Variants in MAP1LC3B2 observed in about 807,000 individuals in gnomAD.
The protein encoded by MAP1LC3B2 is microtubule-associated protein 1 light chain 3 beta 2.
For missense variants in MAP1LC3B2, 155 were observed against 154.6 expected, an observed-to-expected ratio of 1.00 and a Z score of -0.01; for synonymous variants, 62 against 57.8, an observed-to-expected ratio of 1.07 and a Z score of -0.33.
intron 1 of MAP1LC3B2, among the ~76,000 whole-genome samples, chr12:116,568,040 A>G (rs4766795): frequency 0.12 from 17,967 of 152,234 alleles, 2,094 homozygotes; most frequent in Admixed American, 0.28. Context: ...AGAATGATTA[A>G]GTGAGTAAAT....
intron 1 of MAP1LC3B2, among the ~76,000 whole-genome samples, chr12:116,559,645 A>C (rs1023995550): frequency 1.3e-5 from 2 of 152,126 alleles, no homozygotes; most frequent in African/African-American, 4.8e-5. Context: ...GGGTGGGGGC[A>C]TGTTGGGAGG....
chr12:116,568,453 G>GTA (rs1170699665), intron 1 of MAP1LC3B2, among the ~76,000 whole-genome samples: 1 of 152,174 alleles, frequency 6.6e-6, no homozygotes, highest in African/African-American at 2.4e-5. Flanking sequence ...AAAACAACAT[G>GTA]TACTTTATTC....
intron 1 of MAP1LC3B2, among the ~76,000 whole-genome samples, chr12:116,568,335 T>A (rs1463593827): frequency 5.3e-5 from 8 of 152,248 alleles, no homozygotes; most frequent in Non-Finnish European, 1.2e-4. Flanking sequence ...AGCCTAACAA[T>A]CTCTGGAGCT....
Position 116,576,073 on chromosome 12 carries a change from T to G in MAP1LC3B2, c.131T>G (p.Leu44Arg). ...IIERYKGEKQ[L>R]PVLDKTKFLV... ...GAACGATACAAGGGTGAGAAGCAGC[T>G]TCCTGTTCTGGATAAAACAAAGTTC... The change falls in exon 2 of 2, where the codon CTT (leucine) becomes CGT (arginine). Residue 44 changes from leucine (L) to arginine (R), a missense_variant. By Grantham distance (102) the Leu-to-Arg change is moderately radical. Coordinates refer to ENST00000556529, the MANE Select transcript of MAP1LC3B2 (RefSeq NM_001085481.3). 1.2e-6 allele frequency: 2 copies of G among 1,614,226 alleles called. No individual in the cohort carries two copies. The highest frequency in any genetic ancestry group is 2.7e-5 in the African/African-American group (2 of 75,062).
intron 1 of MAP1LC3B2, among the ~76,000 whole-genome samples, chr12:116,572,199 G>C (rs895008897): frequency 1.3e-5 from 2 of 152,192 alleles, no homozygotes; most frequent in Non-Finnish European, 2.9e-5. Flanking sequence ...TCAGCAGATA[G>C]ATTGCCAGAA....
chr12:116,563,147 C>T (rs979360407), intron 1 of MAP1LC3B2, among the ~76,000 whole-genome samples: 2 of 151,894 alleles, frequency 1.3e-5, no homozygotes, highest in African/African-American at 2.4e-5. Flanking sequence ...TTTTTTAGTA[C>T]GGGGTTTCTC....
intron 1 of MAP1LC3B2, among the ~76,000 whole-genome samples, chr12:116,562,305 C>T (rs78683855): frequency 0.019 from 2,948 of 152,300 alleles, 60 homozygotes; most frequent in Non-Finnish European, 0.027. Context: ...GCTCCAAACT[C>T]GCAAGTTCCG....
Position 116,576,196 on chromosome 12 carries a change from G to A in MAP1LC3B2, c.254G>A (p.Gly85Glu). 1 of 1,614,082 alleles carries A rather than the reference G, an allele frequency of 6.2e-7. No homozygotes were observed. Among genetic ancestry groups the A allele is most frequent in the Non-Finnish European group, 8.5e-7 (1 of 1,179,994 alleles). ...CAGGCCTTCTTCCTGTTGGTGAACGGACACAGCATGGTCAGCGTCTCCACA... is the reference window on the plus strand; with the variant it reads ...CAGGCCTTCTTCCTGTTGGTGAACGAACACAGCATGGTCAGCGTCTCCACA... ...ANQAFFLLVNGHSMVSVSTPI... is the reference protein window; with the variant it reads ...ANQAFFLLVNEHSMVSVSTPI... The change falls in exon 2 of 2, where the codon GGA becomes GAA. Residue 85 changes from glycine (G) to glutamate (E), a missense_variant. Physicochemically the swap from Gly to Glu is moderately conservative, Grantham distance 98. Transcript: ENST00000556529.
chr12:116,575,971 G>C lies in MAP1LC3B2; in HGVS notation c.29G>C (p.Arg10Pro). The C allele has an allele frequency of 1.2e-6, 2 of 1,614,158 alleles. No homozygotes were observed. Among genetic ancestry groups the C allele is most frequent in the Non-Finnish European group, 1.7e-6 (2 of 1,180,040 alleles). The change falls in exon 2 of 2, where the codon CGG (arginine) becomes CCG (proline). Residue 10 changes from arginine (R) to proline (P), a missense_variant. Physicochemically the swap from Arg to Pro is moderately radical, Grantham distance 103 (BLOSUM62 -2). Transcript: ENST00000556529. The part of the protein sequence containing the change: MPSEKTFKQ[R>P]RTFEQRVEDV... ...CCGTCGGAGAAGACCTTCAAGCAGC[G>C]GCGCACCTTCGAACAAAGAGTAGAA...
chr12:116,564,409 G>C (rs1177624627), intron 1 of MAP1LC3B2, among the ~76,000 whole-genome samples: 1 of 151,554 alleles, frequency 6.6e-6, no homozygotes, highest in African/African-American at 2.4e-5. Flanking sequence ...TTTTTTTAAG[G>C]CTTTTTTTTA....
intron 1 of MAP1LC3B2, among the ~76,000 whole-genome samples, chr12:116,572,369 C>CTTTT (rs34609295): frequency 0.034 from 5,061 of 146,758 alleles, 193 homozygotes; most frequent in African/African-American, 0.084. Flanking sequence ...TGCCTCAGTT[C>CTTTT]TTTTTTTTTT....
intron 1 of MAP1LC3B2, among the ~76,000 whole-genome samples, chr12:116,566,930 CAAAAAAAAAAAAAAAAAAAAAAAAAA>C (rs56405000): frequency 0.011 from 289 of 26,772 alleles, 4 homozygotes; most frequent in African/African-American, 0.028. Flanking sequence ...GACTCTGTCT[CAAAAAAAAAAAAAAAAAAAAAAAAAA>C]AAAAAAAAAA....
At chr12:116,564,045 A>G (rs1308921550) in intron 1 of MAP1LC3B2, among the ~76,000 whole-genome samples, 2 of 152,164 alleles carry the variant, frequency 1.3e-5, no homozygotes, top group Non-Finnish European at 2.9e-5. Context: ...ACACCCAGCA[A>G]ATTTTTATTT....
chr12:116,576,243 A>C lies in MAP1LC3B2; in HGVS notation c.301A>C (p.Ser101Arg), dbSNP rs775571585. 2 of 1,614,114 alleles carry C rather than the reference A, an allele frequency of 1.2e-6. No homozygotes were observed. The highest frequency in any genetic ancestry group is 2.2e-5 in the South Asian group (2 of 91,074). ...VSTPISEVYESEKDEDGFLYM... is the reference protein window; with the variant it reads ...VSTPISEVYEREKDEDGFLYM... ...CACACCAATCTCAGAGGTGTATGAGAGTGAGAAAGATGAAGATGGATTCCT... is the reference window on the plus strand; with the variant it reads ...CACACCAATCTCAGAGGTGTATGAGCGTGAGAAAGATGAAGATGGATTCCT... Residue 101 changes from serine to arginine, a missense_variant, in exon 2 of 2, where the codon AGT becomes CGT. Transcript: ENST00000556529.
chr12:116,569,834 T>C (rs1869484385), intron 1 of MAP1LC3B2, among the ~76,000 whole-genome samples: 1 of 152,102 alleles, frequency 6.6e-6, no homozygotes, highest in Non-Finnish European at 1.5e-5. Flanking sequence ...GGTGGGCAGA[T>C]CACAAGGTCA....
chr12:116,565,071 G>A (rs7138180), intron 1 of MAP1LC3B2, among the ~76,000 whole-genome samples: 8,441 of 152,118 alleles, frequency 0.055, 270 homozygotes, highest in East Asian at 0.16. Flanking sequence ...AGTTCACCCT[G>A]ATAACTTAAG....
chr12:116,573,402 GA>G (rs1299662296), intron 1 of MAP1LC3B2, among the ~76,000 whole-genome samples: 6 of 152,134 alleles, frequency 3.9e-5, no homozygotes, highest in African/African-American at 1.2e-4. Flanking sequence ...CCTGGGGGCA[GA>G]AATTTAATTA....
At chr12:116,568,279 A>T in intron 1 of MAP1LC3B2, among the ~76,000 whole-genome samples, 1 of 152,326 alleles carries the variant, frequency 6.6e-6, no homozygotes, top group African/African-American at 2.4e-5. Context: ...ACAATTTGGC[A>T]TATCTTTTCA....
chr12:116,565,855 G>A (rs572077827), intron 1 of MAP1LC3B2, among the ~76,000 whole-genome samples: 76 of 152,266 alleles, frequency 5.0e-4, no homozygotes, highest in African/African-American at 1.0e-3. Context: ...AAACAACAGA[G>A]ACACATTACA....
Sources: allele counts gnomAD v4.1 joint callset (sites outside exome capture counted in the v4.1 genomes callset), GRCh38; gene constraint gnomAD v4.1.1; transcripts MANE v1.5; gene names NCBI Gene and HGNC (gene_info 2026-07-23, HGNC 2026-07-21).